OXR1: variants seen among roughly 807,000 people sequenced by gnomAD.
OXR1 encodes the protein oxidation resistance 1.
OXR1 carries 41 observed loss-of-function variants against 104.6 expected under a neutral mutation model. The ratio of observed to expected loss-of-function variants is 0.39; its 90% CI spans 0.31 to 0.51. OXR1 has a LOEUF of 0.51. Ranked by LOEUF, OXR1 falls within the 20% of genes least tolerant of loss-of-function variation. OXR1 has a pLI of 0.77. For missense variants in OXR1, 955 were observed against 1,031.9 expected, an observed-to-expected ratio of 0.93 and a Z score of 1.02; for synonymous variants, 348 against 348.4, an observed-to-expected ratio of 1.00 and a Z score of 0.01.
At chr8:106,693,044 A>G (rs1402251984) in intron 7 of OXR1, among the ~76,000 whole-genome samples, 167 bp downstream of exon 7, 5 of 152,180 alleles carry the variant, frequency 3.3e-5, no homozygotes, top group Non-Finnish European at 7.3e-5. Flanking sequence ...GTTGCTTATA[A>G]CTTAGAGTCT....
At chr8:106,497,881 G>A (rs1811522255) in intron 2 of OXR1, among the ~76,000 whole-genome samples, 1 of 152,068 alleles carries the variant, frequency 6.6e-6, no homozygotes, top group Non-Finnish European at 1.5e-5. Context: ...TTCTCACTAT[G>A]AAATATGGAC....
chr8:106,281,683 C>T (rs1812289276), intron 1 of OXR1, among the ~76,000 whole-genome samples: 1 of 151,668 alleles, frequency 6.6e-6, no homozygotes, highest in Non-Finnish European at 1.5e-5. Flanking sequence ...GCCTGTAGTC[C>T]CAGCTACATG....
rs540884663 is a variant in OXR1, at chr8:106,486,799, T to C, written c.24-32144T>C. ...AAGTAAAATTTGTGGGTTTCCAGTA[T>C]AGTACAGCAGTTAAATTCATATGCA... On this transcript the variant is annotated intron_variant, in intron 2 of 16. Coordinates refer to ENST00000517566, the MANE Select transcript of OXR1 (RefSeq NM_001198533.2). 6.6e-5 allele frequency among the ~76,000 whole-genome samples: 10 copies of C among 152,170 alleles called. 1 individual carries two copies. The East Asian group carries it at 1.4e-3, about 21-fold the overall frequency.
At chr8:106,666,243 G>T (rs964011550) in intron 3 of OXR1, among the ~76,000 whole-genome samples, 1 of 152,062 alleles carries the variant, frequency 6.6e-6, no homozygotes, top group Non-Finnish European at 1.5e-5. Context: ...CTCTGTTTTG[G>T]ATTTTTTTGA....
chr8:106,698,974 A>G (rs1418221205), intron 7 of OXR1, among the ~76,000 whole-genome samples: 1 of 152,072 alleles, frequency 6.6e-6, no homozygotes. Context: ...ATTCCTACAT[A>G]TATTCTTGCA....
intron 3 of OXR1, among the ~76,000 whole-genome samples, chr8:106,628,795 C>T (rs948588704): frequency 2.0e-5 from 3 of 152,124 alleles, no homozygotes; most frequent in Non-Finnish European, 4.4e-5. Flanking sequence ...TTCACGTATG[C>T]AGCACTGTGT....
intron 3 of OXR1, among the ~76,000 whole-genome samples, chr8:106,538,239 G>T (rs926661690): frequency 1.3e-5 from 2 of 152,200 alleles, no homozygotes; most frequent in South Asian, 4.1e-4. Flanking sequence ...TCAAATTCTT[G>T]AATTTTAATA....
At chr8:106,735,417 G>A (rs1376085007) in intron 11 of OXR1, among the ~76,000 whole-genome samples, 3 of 152,080 alleles carry the variant, frequency 2.0e-5, no homozygotes, top group African/African-American at 7.2e-5. Flanking sequence ...GCGATTTATT[G>A]TTCTCTTATT....
intron 2 of OXR1, among the ~76,000 whole-genome samples, chr8:106,444,074 A>C (rs544648506): frequency 1.3e-5 from 2 of 152,352 alleles, no homozygotes; most frequent in South Asian, 4.1e-4. Flanking sequence ...TTACATGGTC[A>C]ACAAACGTAT....
intron 2 of OXR1, among the ~76,000 whole-genome samples, chr8:106,449,013 A>G (rs965153347): frequency 2.0e-5 from 3 of 152,164 alleles, no homozygotes; most frequent in Non-Finnish European, 4.4e-5. Flanking sequence ...AAAGTTGAGT[A>G]CTTAACCAGA....
intron 2 of OXR1, among the ~76,000 whole-genome samples, chr8:106,381,421 G>T (rs1274437911): frequency 6.6e-6 from 1 of 152,110 alleles, no homozygotes; most frequent in African/African-American, 2.4e-5. Flanking sequence ...ATGTTTGAAG[G>T]AATGGAAGGA....
intron 3 of OXR1, among the ~76,000 whole-genome samples, chr8:106,597,053 AAAAC>A (rs1203048075): frequency 2.0e-5 from 3 of 152,282 alleles, no homozygotes; most frequent in East Asian, 1.9e-4. Context: ...CTGCACCTCA[AAAAC>A]AAACAAACAA....
At chr8:106,527,197 A>G (rs545376911) in intron 3 of OXR1, among the ~76,000 whole-genome samples, 77 of 152,318 alleles carry the variant, frequency 5.1e-4, no homozygotes, top group African/African-American at 1.8e-3. Context: ...TATTTAAAGT[A>G]CTTATATTAG....
intron 3 of OXR1, among the ~76,000 whole-genome samples, chr8:106,671,969 AAT>A (rs1827037431): frequency 1.5e-5 from 2 of 130,760 alleles, no homozygotes; most frequent in Admixed American, 1.7e-4. Flanking sequence ...AAAGTATAAT[AAT>A]AATAATAATA....
intron 1 of OXR1, among the ~76,000 whole-genome samples, chr8:106,312,322 TG>T (rs1813739265): frequency 6.6e-6 from 1 of 152,212 alleles, no homozygotes; most frequent in Non-Finnish European, 1.5e-5. Context: ...GGGGATCATT[TG>T]TAGTCAAAAA....
rs569936862 is a variant in OXR1, at chr8:106,377,364, T to A, written c.23+17728T>A. On this transcript the variant is annotated intron_variant, in intron 2 of 16. Coordinates refer to ENST00000517566, the MANE Select transcript of OXR1 (RefSeq NM_001198533.2). ...ACTTGCCTAATTTAAAAAAAAAAAA[T>A]TTATAGAGATGAGGTCTCACTTTGT... Among the ~76,000 whole-genome samples, 31 of 151,894 alleles carry A rather than the reference T, an allele frequency of 2.0e-4. No homozygotes were observed. The East Asian group carries it at 3.9e-3, about 19-fold the overall frequency.
intron 3 of OXR1, among the ~76,000 whole-genome samples, chr8:106,584,079 A>G (rs1261304047): frequency 1.3e-5 from 2 of 151,948 alleles, no homozygotes; most frequent in Admixed American, 1.3e-4. Context: ...AATAGATTGT[A>G]TCCAGGAAAC....
chr8:106,358,442 G>C (rs919467187), intron 1 of OXR1, among the ~76,000 whole-genome samples: 1 of 152,110 alleles, frequency 6.6e-6, no homozygotes, highest in African/African-American at 2.4e-5. Flanking sequence ...GCTCCCACAT[G>C]CCCTGTATGT....
At chr8:106,675,553 T>G (rs1354993239) in intron 3 of OXR1, among the ~76,000 whole-genome samples, 29 of 152,202 alleles carry the variant, frequency 1.9e-4, no homozygotes, top group Admixed American at 1.9e-3. Flanking sequence ...ATTTCATTAT[T>G]TACCCAAAAG....
Sources: gnomAD v4.1 joint callset for allele counts (sites outside exome capture counted in the v4.1 genomes callset) on GRCh38, gnomAD v4.1.1 for gene constraint, MANE v1.5 for transcripts, NCBI Gene and HGNC (gene_info 2026-07-23, HGNC 2026-07-21) for gene names.